The following SUCLG2 variants were observed in gnomAD, a reference collection of about 807,000 sequenced individuals.
SUCLG2 encodes the protein succinate-CoA ligase GDP-forming subunit beta.
A neutral mutation model predicts 47.9 loss-of-function variants in SUCLG2; 42 were observed. The ratio of observed to expected loss-of-function variants is 0.88; its 90% CI spans 0.69 to 1.14. SUCLG2 has a LOEUF of 1.14. Ranked by LOEUF, SUCLG2 falls within the 50% of genes most tolerant of loss-of-function variation. The pLI, the probability that SUCLG2 is intolerant of heterozygous loss-of-function variation, is 0.00. For missense variants in SUCLG2, 571 were observed against 525.9 expected (o/e 1.09, Z -0.84); for synonymous variants, 195 against 197.3 (o/e 0.99, Z 0.10).
chr3:67,546,713 C>A (rs905085135), intron 2 of SUCLG2, among the ~76,000 whole-genome samples: 1 of 150,232 alleles, frequency 6.7e-6, no homozygotes, highest in Admixed American at 6.6e-5. Context: ...CCAGCCTGGG[C>A]CACAGAGTAA....
At chr3:67,591,359 C>A (rs1351523113) in intron 2 of SUCLG2, among the ~76,000 whole-genome samples, 1 of 152,184 alleles carries the variant, frequency 6.6e-6, no homozygotes, top group Non-Finnish European at 1.5e-5. Context: ...TTTCAATGGA[C>A]TGAGATTGAA....
rs146167757 is a variant in SUCLG2, at chr3:67,417,803, G to C, written c.1063-16952C>G. 1.7e-4 allele frequency among the ~76,000 whole-genome samples: 26 copies of C among 152,270 alleles called. No individual in the cohort carries two copies. The East Asian group carries it at 4.6e-3, about 27-fold the overall frequency. ...AATCTTAGAGCTAGGCAGGACCTGA[G>C]GGTTCAGCCACCGCAGCTTGAACCT... On this transcript the variant is annotated intron_variant, in intron 9 of 10. Coordinates refer to ENST00000307227, the MANE Select transcript of SUCLG2 (RefSeq NM_003848.4).
At chr3:67,552,892 T>C (rs1440895830) in intron 2 of SUCLG2, among the ~76,000 whole-genome samples, 1 of 152,192 alleles carries the variant, frequency 6.6e-6, no homozygotes. Context: ...TCATCATCTT[T>C]CTTTAAAAAA....
intron 7 of SUCLG2, among the ~76,000 whole-genome samples, chr3:67,505,469 G>A (rs1007516192): frequency 1.3e-5 from 2 of 152,070 alleles, no homozygotes; most frequent in Non-Finnish European, 2.9e-5. Flanking sequence ...AATCACATAG[G>A]AAAAAAGAGC....
At chr3:67,450,444 G>C (rs1704029546) in intron 9 of SUCLG2, among the ~76,000 whole-genome samples, 2 of 152,092 alleles carry the variant, frequency 1.3e-5, no homozygotes, top group Non-Finnish European at 2.9e-5. Context: ...AGACTTTCTT[G>C]AGATTTTCTG....
At chr3:67,388,024 A>G (rs565848884) in intron 10 of SUCLG2, among the ~76,000 whole-genome samples, 207 of 152,226 alleles carry the variant, frequency 1.4e-3, no homozygotes, top group Non-Finnish European at 2.6e-3. Context: ...AACAAGTGTT[A>G]TCTGCTAATA....
intron 1 of SUCLG2, among the ~76,000 whole-genome samples, chr3:67,630,168 GAA>G (rs35895962): frequency 6.7e-6 from 1 of 149,766 alleles, no homozygotes; most frequent in Non-Finnish European, 1.5e-5. Flanking sequence ...AAGCAAATGT[GAA>G]AAAAAAAACT....
At chr3:67,636,172 C>T (rs1701006046) in intron 1 of SUCLG2, among the ~76,000 whole-genome samples, 2 of 152,130 alleles carry the variant, frequency 1.3e-5, no homozygotes, top group African/African-American at 2.4e-5. Flanking sequence ...CAAGCAGAAA[C>T]TCCAAAGAAA....
chr3:67,466,450 A>G (rs925854422), intron 9 of SUCLG2, among the ~76,000 whole-genome samples: 2 of 152,240 alleles, frequency 1.3e-5, no homozygotes, highest in Non-Finnish European at 2.9e-5. Context: ...AGGAATTTGT[A>G]GAACACTGGT....
intron 7 of SUCLG2, among the ~76,000 whole-genome samples, chr3:67,507,027 CA>C (rs769693110): frequency 4.6e-5 from 7 of 152,146 alleles, no homozygotes; most frequent in Non-Finnish European, 1.0e-4. Flanking sequence ...AATGGTTTCT[CA>C]ATCCTCTATA....
At chr3:67,609,785 A>G (rs1377142486) in intron 1 of SUCLG2, among the ~76,000 whole-genome samples, 189 bp from the exon 2 acceptor site, 1 of 152,302 alleles carries the variant, frequency 6.6e-6, no homozygotes, top group East Asian at 1.9e-4. Flanking sequence ...TGTTAAGGAC[A>G]ACTACACACA....
intron 9 of SUCLG2, among the ~76,000 whole-genome samples, chr3:67,486,360 A>T (rs969616759): frequency 3.3e-5 from 5 of 152,226 alleles, no homozygotes; most frequent in Non-Finnish European, 7.3e-5. Context: ...AAAGCTGCTC[A>T]TAATTATCCA....
chr3:67,421,167 C>T (rs1432360375), intron 9 of SUCLG2, among the ~76,000 whole-genome samples: 1 of 152,074 alleles, frequency 6.6e-6, no homozygotes, highest in Non-Finnish European at 1.5e-5. Context: ...TCTGACCATG[C>T]AGCTTACCCA....
At chr3:67,376,171 G>T in intron 10 of SUCLG2, 2 of 916,952 alleles carry the variant, frequency 2.2e-6, no homozygotes, top group Non-Finnish European at 2.5e-6. Flanking sequence ...CACACCAGAA[G>T]TCACTTGTCT....
chr3:67,394,588 A>G (rs527569900), intron 10 of SUCLG2, among the ~76,000 whole-genome samples: 139 of 152,126 alleles, frequency 9.1e-4, no homozygotes, highest in Non-Finnish European at 1.9e-3. Context: ...ACTAAGTTGG[A>G]AAACACTCTG....
rs185364422 is a variant in SUCLG2, at chr3:67,393,477, C to T, written c.1183+7254G>A. Among the ~76,000 whole-genome samples the T allele has an allele frequency of 2.0e-5, 3 of 152,350 alleles. No individual in the cohort carries two copies. The East Asian group carries it at 5.8e-4, about 29-fold the overall frequency. ...GGCAGCGAGGCTGGGGGAGGGGTGC[C>T]TGCCATGGCCCAGGCTTGCTTACGT... On this transcript the variant is annotated intron_variant, in intron 10 of 10. Coordinates refer to ENST00000307227, the MANE Select transcript of SUCLG2 (RefSeq NM_003848.4).
intron 10 of SUCLG2, among the ~76,000 whole-genome samples, chr3:67,399,819 T>C (rs903018362): frequency 6.6e-6 from 1 of 152,192 alleles, no homozygotes; most frequent in African/African-American, 2.4e-5. Flanking sequence ...TAATTTTCAA[T>C]AAACTATTAC....
intron 9 of SUCLG2, among the ~76,000 whole-genome samples, chr3:67,466,052 T>A (rs939548830): frequency 2.0e-5 from 3 of 152,170 alleles, no homozygotes; most frequent in Admixed American, 6.5e-5. Context: ...TCTGCTTAAA[T>A]ACCCTGCTTT....
In SUCLG2 at chr3:67,620,600, A is replaced by G. The variant is rs900730688; in HGVS notation, c.85-11004T>C. 6.6e-5 allele frequency among the ~76,000 whole-genome samples: 10 copies of G among 150,962 alleles called. No homozygotes were observed. The South Asian group carries it at 1.5e-3, about 22-fold the overall frequency. On this transcript the variant is annotated intron_variant, in intron 1 of 10. Coordinates refer to ENST00000307227, the MANE Select transcript of SUCLG2 (RefSeq NM_003848.4). ...ACTCCATCTCAAAAAAAAAAAAAAA[A>G]AAAGAAAGAAAAAAGAAAAAGAAAA...
Sources: gnomAD v4.1 joint callset for allele counts (sites outside exome capture counted in the v4.1 genomes callset) on GRCh38, gnomAD v4.1.1 for gene constraint, MANE v1.5 for transcripts, NCBI Gene and HGNC (gene_info 2026-07-23, HGNC 2026-07-21) for gene names.